Variants in KPNA3 observed in about 807,000 individuals in gnomAD.
KPNA3 encodes karyopherin subunit alpha 3.
KPNA3 carries 13 observed loss-of-function variants against 73.8 expected under a neutral mutation model. That is an observed-to-expected ratio of 0.18 (90% CI 0.11 to 0.28). The LOEUF (loss-of-function observed/expected upper bound fraction) is 0.28, where lower values mean the gene tolerates loss of function less well. Ranked by LOEUF, KPNA3 falls within the 10% of genes least tolerant of loss-of-function variation. KPNA3 has a pLI of 1.00. For synonymous variants in KPNA3, 186 were observed against 206.9 expected (o/e 0.90, Z 0.87); for missense variants, 360 against 618.1 (o/e 0.58, Z 4.43).
chr13:49,718,716 C>T lies in KPNA3; in HGVS notation c.771+1059G>A, dbSNP rs577061375. Among the ~76,000 whole-genome samples, 10 of 152,230 alleles carry T rather than the reference C, an allele frequency of 6.6e-5. No homozygotes were observed. In the East Asian group the frequency reaches 1.9e-3, roughly 29 times the overall value. ...TAAGACGGCATATAAACATGTTTTA[C>T]TTCATTTTAATGACATTTTAGGCTG... On this transcript the variant is annotated intron_variant, in intron 10 of 16. Transcript: ENST00000261667.
rs1269768284 is a variant in KPNA3 at position 49,792,251 on chromosome 13, G to T, written c.69+187C>A. On this transcript the variant is annotated intron_variant, in intron 1 of 16. Transcript: ENST00000261667. ...GTCGCCGCGCCGGCAGCTCCGGGGG[G>T]TGACTGCAGCCCGGCCGGCGTCTCG... Among the ~76,000 whole-genome samples the T allele has an allele frequency of 6.6e-5, 10 of 151,630 alleles. No homozygotes were observed. The East Asian group carries it at 1.9e-3, about 29-fold the overall frequency.
intron 1 of KPNA3, among the ~76,000 whole-genome samples, chr13:49,791,927 G>C (rs564352836): frequency 7.2e-4 from 109 of 152,336 alleles, no homozygotes; most frequent in Admixed American, 1.9e-3. Flanking sequence ...CCCCTCTGCG[G>C]GCCGCCACCG....
chr13:49,755,310 T>C (rs1954701195), intron 1 of KPNA3, among the ~76,000 whole-genome samples: 1 of 152,118 alleles, frequency 6.6e-6, no homozygotes, highest in Non-Finnish European at 1.5e-5. Flanking sequence ...CCATTTATAG[T>C]AAAAACACTC....
At chr13:49,752,583 C>T (rs1301712524) in intron 1 of KPNA3, among the ~76,000 whole-genome samples, 1 of 151,880 alleles carries the variant, frequency 6.6e-6, no homozygotes, top group African/African-American at 2.4e-5. Context: ...AAATGAGGTC[C>T]TAGCAATCAA....
intron 3 of KPNA3, 41 bp from the exon 4 acceptor site, chr13:49,732,817 C>A: frequency 6.8e-7 from 1 of 1,468,374 alleles, no homozygotes; most frequent in Middle Eastern, 1.8e-4. Flanking sequence ...AGTTTATTAA[C>A]AAAATTACAT....
intron 12 of KPNA3, among the ~76,000 whole-genome samples, chr13:49,708,548 C>T (rs538214164): frequency 5.3e-5 from 8 of 152,184 alleles, no homozygotes; most frequent in East Asian, 1.9e-4. Flanking sequence ...AAATTGAAAG[C>T]GGGAACTCAA....
At chr13:49,738,870 C>T (rs1954548229) in intron 2 of KPNA3, among the ~76,000 whole-genome samples, 2 of 152,124 alleles carry the variant, frequency 1.3e-5, no homozygotes, top group African/African-American at 4.8e-5. Flanking sequence ...CAGCATTATA[C>T]TGAATAAGAG....
At chr13:49,734,954 T>TAGAGAGAGAGAGAGAGAGAGAGAGAGAG (rs10675449) in intron 2 of KPNA3, among the ~76,000 whole-genome samples, 19 of 145,902 alleles carry the variant, frequency 1.3e-4, no homozygotes, top group African/African-American at 4.6e-4. Context: ...GAGAGATAGA[T>TAGAGAGAGAGAGAGAGAGAGAGAGAGAG]AGAGAGAGAG....
intron 10 of KPNA3, among the ~76,000 whole-genome samples, chr13:49,718,119 T>C (rs1253218399): frequency 6.6e-6 from 1 of 152,206 alleles, no homozygotes; most frequent in Non-Finnish European, 1.5e-5. Context: ...CTTAGAAAGA[T>C]TATTTAACTT....
At position 49,710,861 on chromosome 13, in the gene KPNA3, T is replaced by C. The variant is rs764418963; in HGVS notation, c.903+30A>G. ...ACTGGTTATAGCAAACACAACTGTA[T>C]ACAAATAAGAAAAATTTAAAAATAC... On this transcript the variant is annotated intron_variant, in intron 11 of 16. Transcript: ENST00000261667. The C allele has an allele frequency of 8.7e-5, 139 of 1,601,984 alleles. No individual in the cohort carries two copies. The South Asian group carries it at 1.4e-3, about 16-fold the overall frequency.
intron 12 of KPNA3, among the ~76,000 whole-genome samples, chr13:49,708,961 A>G (rs1218708188): frequency 6.6e-6 from 1 of 152,192 alleles, no homozygotes; most frequent in Non-Finnish European, 1.5e-5. Context: ...ATACCAGCCC[A>G]TTCAAATGGC....
At chr13:49,740,514 G>A (rs968880487) in intron 2 of KPNA3, among the ~76,000 whole-genome samples, 1 of 152,128 alleles carries the variant, frequency 6.6e-6, no homozygotes, top group African/African-American at 2.4e-5. Flanking sequence ...TAGTGAATGA[G>A]TGTCACAAGA....
chr13:49,760,988 T>C (rs1159053263), intron 1 of KPNA3, among the ~76,000 whole-genome samples: 2 of 152,180 alleles, frequency 1.3e-5, no homozygotes, highest in South Asian at 2.1e-4. Flanking sequence ...AGTGTGATAA[T>C]GGTATCGTGT....
chr13:49,724,404 C>T (rs960775873), intron 7 of KPNA3, among the ~76,000 whole-genome samples: 2 of 151,024 alleles, frequency 1.3e-5, no homozygotes, highest in East Asian at 2.0e-4. Flanking sequence ...CCCGGGTTCA[C>T]GCCATTCTCC....
At chr13:49,742,908 A>G (rs1954585857) in intron 2 of KPNA3, among the ~76,000 whole-genome samples, 1 of 152,196 alleles carries the variant, frequency 6.6e-6, no homozygotes, top group African/African-American at 2.4e-5. Flanking sequence ...TGACTTAAAT[A>G]TAAGTGCATA....
intron 2 of KPNA3, among the ~76,000 whole-genome samples, chr13:49,742,238 C>T (rs140299251): frequency 4.9e-4 from 74 of 152,258 alleles, no homozygotes; most frequent in African/African-American, 1.2e-3. Flanking sequence ...TAAATTCTTG[C>T]GTGTCAGAGC....
At chr13:49,731,186 T>C (rs1362471862) in intron 6 of KPNA3, among the ~76,000 whole-genome samples, 1 of 150,856 alleles carries the variant, frequency 6.6e-6, no homozygotes, top group African/African-American at 2.4e-5. Context: ...ACGATCCTCC[T>C]ACCTCAGCCT....
At chr13:49,758,762 A>ACC (rs1031197148) in intron 1 of KPNA3, among the ~76,000 whole-genome samples, 10 of 151,818 alleles carry the variant, frequency 6.6e-5, no homozygotes, top group African/African-American at 2.2e-4. Flanking sequence ...ATACACACAC[A>ACC]CATATGTTTA....
In KPNA3 at chr13:49,713,674, C is replaced by CACAAAA. The variant is rs563909268; in HGVS notation, c.772-2653_772-2652insTTTTGT. 4.2e-5 allele frequency among the ~76,000 whole-genome samples: 6 copies of CACAAAA among 142,006 alleles called. No homozygotes were observed. In the East Asian group the frequency reaches 6.1e-4, roughly 14 times the overall value. 93.2% of individuals were successfully genotyped at this position (142,006 alleles called of 152,430 possible). On this transcript the variant is annotated intron_variant, in intron 10 of 16. Transcript: ENST00000261667. ...ACACACACACACACACACACACACA[C>CACAAAA]AAAACAGAAAAACCCAACAACAAAA...
Sources: gnomAD v4.1 joint callset for allele counts (sites outside exome capture counted in the v4.1 genomes callset) on GRCh38, gnomAD v4.1.1 for gene constraint, MANE v1.5 for transcripts, NCBI Gene and HGNC (gene_info 2026-07-23, HGNC 2026-07-21) for gene names.